Variants in SHCBP1 observed in about 807,000 individuals in gnomAD.
SHCBP1 encodes the protein SHC SH2 domain-binding protein 1.
A neutral mutation model predicts 75.1 loss-of-function variants in SHCBP1; 60 were observed. The observed-to-expected ratio is 0.80, with a 90% confidence interval of 0.65 to 0.99. The LOEUF is 0.99. SHCBP1 is among the 50% of genes least tolerant of loss of function. SHCBP1 has a pLI of 0.00. For synonymous variants in SHCBP1, 290 were observed against 293.2 expected (o/e 0.99, Z 0.11); for missense variants, 709 against 809.4 (o/e 0.88, Z 1.50).
intron 12 of SHCBP1, among the ~76,000 whole-genome samples, chr16:46,583,000 G>T (rs1203563038): frequency 6.6e-6 from 1 of 152,036 alleles, no homozygotes; most frequent in South Asian, 2.1e-4. Context: ...GCTCCCCTTC[G>T]CTGCCAAGAA....
At position 46,616,765 on chromosome 16, in the gene SHCBP1, T is replaced by C. The variant is rs1440907036; in HGVS notation, c.388-611A>G. 5.9e-5 allele frequency among the ~76,000 whole-genome samples: 9 copies of C among 152,180 alleles called. No homozygotes were observed. ...GTTTTAAGCAGAGAAATGGCATGCT[T>C]CTGTTTTAAAACAATGACTTTCATT... is the stretch of plus-strand genomic sequence containing the variant. On this transcript the variant is annotated intron_variant, in intron 3 of 12. Coordinates refer to ENST00000303383, the MANE Select transcript of SHCBP1 (RefSeq NM_024745.5). The surrounding 1 kb of genome is among the most constrained non-coding windows in gnomAD (Gnocchi z 4.4).
intron 3 of SHCBP1, among the ~76,000 whole-genome samples, chr16:46,617,160 A>G (rs1965511906): frequency 6.6e-6 from 1 of 152,240 alleles, no homozygotes; most frequent in African/African-American, 2.4e-5. Flanking sequence ...GATTAACCAC[A>G]TATAAACAAA....
At chr16:46,620,009 C>G in intron 1 of SHCBP1, among the ~76,000 whole-genome samples, 1 of 151,944 alleles carries the variant, frequency 6.6e-6, no homozygotes, top group East Asian at 1.9e-4. Flanking sequence ...TGCACTCCAG[C>G]CTGGGCAACA....
Position 46,595,574 on chromosome 16 carries a change from T to C in SHCBP1, c.1442A>G (p.Asn481Ser), listed in dbSNP as rs1009622540. 6.2e-7 allele frequency: 1 copy of C among 1,614,036 alleles called. No individual in the cohort carries two copies. Among genetic ancestry groups the C allele is most frequent in the Non-Finnish European group, 8.5e-7 (1 of 1,179,966 alleles). Residue 481 changes from asparagine to serine, a missense_variant, in exon 10 of 13, where the codon AAC becomes AGC. Coordinates refer to ENST00000303383, the MANE Select transcript of SHCBP1 (RefSeq NM_024745.5). ...VRTSAEFLMK[N>S]SDLYGAKGAG... ...TACCTTGGCGCCATATAAATCCGAGTTCTTCATTAGAAACTCTGCTGATGT... is the reference window on the plus strand; with the variant it reads ...TACCTTGGCGCCATATAAATCCGAGCTCTTCATTAGAAACTCTGCTGATGT...
rs555378612 is a variant in SHCBP1, at chr16:46,619,810, G to A, written c.104-1438C>T. Among the ~76,000 whole-genome samples the A allele has an allele frequency of 2.6e-5, 4 of 152,258 alleles. No individual in the cohort carries two copies. In the East Asian group the frequency reaches 5.8e-4, roughly 22 times the overall value. ...AGCACTTTGGGAGGCCGAGATGGGC[G>A]GATCACCTGAGGTTAGGAGCTCGAC... On this transcript the variant is annotated intron_variant, in intron 1 of 12. Coordinates refer to ENST00000303383, the MANE Select transcript of SHCBP1 (RefSeq NM_024745.5).
rs1285570788 is a variant in SHCBP1, at chr16:46,580,021, C to T, written c.*1708G>A. On this transcript the variant is annotated 3_prime_UTR_variant, in exon 13 of 13. Coordinates refer to ENST00000303383, the MANE Select transcript of SHCBP1 (RefSeq NM_024745.5). ...GCACCTATAATCCCAGCTACTCAGGCGACTGAGGCAGGAGAATTGCTTGAA... is the reference window on the plus strand; with the variant it reads ...GCACCTATAATCCCAGCTACTCAGGTGACTGAGGCAGGAGAATTGCTTGAA... 1.4e-5 allele frequency among the ~76,000 whole-genome samples: 2 copies of T among 146,632 alleles called. No individual in the cohort carries two copies. Among genetic ancestry groups the T allele is most frequent in the South Asian group, 2.2e-4 (1 of 4,612 alleles).
At chr16:46,614,536 G>C (rs944316798) in intron 4 of SHCBP1, among the ~76,000 whole-genome samples, 1 of 152,128 alleles carries the variant, frequency 6.6e-6, no homozygotes, top group African/African-American at 2.4e-5. Context: ...ATCCAGGTAT[G>C]GGCTTTCTTT....
rs1277643297 is a variant in SHCBP1 at position 46,578,906 on chromosome 16, T to G, written c.*2823A>C. Among the ~76,000 whole-genome samples the G allele has an allele frequency of 2.6e-5, 4 of 152,320 alleles. No homozygotes were observed. Among genetic ancestry groups the G allele is most frequent in the African/African-American group, 4.8e-5 (2 of 41,588 alleles). On this transcript the variant is annotated 3_prime_UTR_variant, in exon 13 of 13. Transcript: ENST00000303383. The stretch of plus-strand genomic sequence containing the variant: ...TGAGCTCATCAGTGTTCTATTGAAC[T>G]TTCTTCAATCTCCCTCTGAAAAGCA...
At chr16:46,602,318 T>C (rs952011146) in intron 8 of SHCBP1, among the ~76,000 whole-genome samples, 1 of 151,886 alleles carries the variant, frequency 6.6e-6, no homozygotes, top group African/African-American at 2.4e-5. Flanking sequence ...ATTACACACA[T>C]AAAATAAAAA....
chr16:46,604,197 GACTA>G (rs767097078), intron 6 of SHCBP1, 27 bp downstream of exon 6: 80 of 1,612,872 alleles, frequency 5.0e-5, no homozygotes, highest in Middle Eastern at 3.3e-4. Context: ...AAAAGATGCT[GACTA>G]ACTAAGAATT....
chr16:46,598,904 A>G (rs1311879413), intron 9 of SHCBP1, among the ~76,000 whole-genome samples: 1 of 152,242 alleles, frequency 6.6e-6, no homozygotes, highest in Non-Finnish European at 1.5e-5. Flanking sequence ...TTTATGTTAC[A>G]GAAATGGCTG....
intron 10 of SHCBP1, among the ~76,000 whole-genome samples, chr16:46,592,967 A>AAAAAAAAAAAAAAAAAAAAAAAC (rs1258025786): frequency 6.8e-6 from 1 of 146,752 alleles, no homozygotes; most frequent in Non-Finnish European, 1.5e-5. Flanking sequence ...AAAAAAAAAA[A>AAAAAAAAAAAAAAAAAAAAAAAC]AAAAAAAAAG....
Position 46,608,350 on chromosome 16 carries a change from T to C in SHCBP1, c.636A>G (p.Glu212=). 6.2e-7 allele frequency: 1 copy of C among 1,613,898 alleles called. No individual in the cohort carries two copies. Among genetic ancestry groups the C allele is most frequent in the South Asian group, 1.1e-5 (1 of 91,074 alleles). ...CAAAATAATCGTATTCATCCTCCTC[T>C]TCTTCATCCCAACTCCTCCAAATGT... ...YQNIWRSWDE[E]EEDEYDYFVR... is the part of the protein sequence containing the mutation. The change falls in exon 5 of 13, where the codon GAA becomes GAG. Residue 212 remains glutamate, a synonymous_variant. Transcript: ENST00000303383.
chr16:46,602,833 G>A (rs967691016), intron 8 of SHCBP1, among the ~76,000 whole-genome samples: 4 of 152,160 alleles, frequency 2.6e-5, no homozygotes, highest in Non-Finnish European at 4.4e-5. Context: ...GTTTCACCAT[G>A]TTAGCCAGAC....
chr16:46,602,602 AC>A (rs1482033420), intron 8 of SHCBP1, among the ~76,000 whole-genome samples: 3 of 152,174 alleles, frequency 2.0e-5, no homozygotes, highest in Non-Finnish European at 4.4e-5. Flanking sequence ...TTTAGAAATC[AC>A]TCTAAATGAA....
Position 46,604,116 on chromosome 16 carries a change from A to G in SHCBP1, c.951T>C (p.Ser317=). ...LRYVFGYQKN[S]NIQAKGVRSS... ...AACGGACACCCTTTGCTTGGATGTTAGAATTCTTCTGATAACCAAACACAT... is the reference window on the plus strand; with the variant it reads ...AACGGACACCCTTTGCTTGGATGTTGGAATTCTTCTGATAACCAAACACAT... Residue 317 remains serine, a synonymous_variant, in exon 7 of 13, where the codon TCT becomes TCC. Coordinates refer to ENST00000303383, the MANE Select transcript of SHCBP1 (RefSeq NM_024745.5). 6.2e-7 allele frequency: 1 copy of G among 1,614,198 alleles called. No homozygotes were observed. Among genetic ancestry groups the G allele is most frequent in the Non-Finnish European group, 8.5e-7 (1 of 1,180,032 alleles).
Position 46,581,441 on chromosome 16 carries a change from A to C in SHCBP1, c.*288T>G, listed in dbSNP as rs1281953435. 2.9e-6 allele frequency: 1 copy of C among 345,182 alleles called. No homozygotes were observed. The highest frequency in any genetic ancestry group is 2.1e-5 in the African/African-American group (1 of 46,964). 21.4% of individuals were successfully genotyped at this position (345,182 alleles called of 1,614,324 possible). A position where few individuals can be genotyped will look rare whatever the true frequency, so the allele number is the denominator to read the frequency against. On this transcript the variant is annotated 3_prime_UTR_variant, in exon 13 of 13. Transcript: ENST00000303383. ...TGAAGTGCTAAAGGTAATTACACTAAAAAGTTACTACCAGGCTTAATATGA... is the reference window on the plus strand; with the variant it reads ...TGAAGTGCTAAAGGTAATTACACTACAAAGTTACTACCAGGCTTAATATGA...
At chr16:46,613,552 C>T (rs957502598) in intron 4 of SHCBP1, among the ~76,000 whole-genome samples, 94 of 152,276 alleles carry the variant, frequency 6.2e-4, no homozygotes, top group African/African-American at 2.1e-3. Context: ...ACACTGAGCT[C>T]CCAAATCTTT....
chr16:46,591,606 A>G (rs1008888275), intron 10 of SHCBP1, among the ~76,000 whole-genome samples: 1 of 152,142 alleles, frequency 6.6e-6, no homozygotes, highest in Admixed American at 6.6e-5. Flanking sequence ...GGCAGAAAAA[A>G]AAAATCAGAA....
Sources: allele counts gnomAD v4.1 joint callset (sites outside exome capture counted in the v4.1 genomes callset), GRCh38; gene constraint gnomAD v4.1.1; non-coding constraint Gnocchi (gnomAD v3.1); transcripts MANE v1.5; gene names NCBI Gene and HGNC (gene_info 2026-07-23, HGNC 2026-07-21).